Variants in TMEM272 observed in about 807,000 individuals in gnomAD.
TMEM272 encodes long intergenic non-protein coding RNA 282.
Under a neutral mutation model 3.7 loss-of-function variants are expected in TMEM272, and 8 were observed. The observed-to-expected ratio is 2.17, with a 90% confidence interval of 1.27 to 3.91. The LOEUF (loss-of-function observed/expected upper bound fraction) is 3.91, where lower values mean the gene tolerates loss of function less well. TMEM272 is among the 30% of genes most tolerant of loss of function. The pLI is 0.00. For missense variants in TMEM272, 166 were observed against 91.5 expected (o/e 1.81, Z -3.32); for synonymous variants, 63 against 39.8 (o/e 1.58, Z -2.20).
At chr13:51,875,507 G>C in the TMEM272 span, among the ~76,000 whole-genome samples, 1 of 152,190 alleles carries the variant, frequency 6.6e-6, no homozygotes, top group Non-Finnish European at 1.5e-5. Context: ...ACCTGGTTTT[G>C]ATGCCAAGGC....
At chr13:51,823,072 C>T (rs963218274) in intron 3 of TMEM272, among the ~76,000 whole-genome samples, 2 of 152,136 alleles carry the variant, frequency 1.3e-5, no homozygotes, top group African/African-American at 4.8e-5. Context: ...CACCTTGGGG[C>T]CAAAGCATTT....
the TMEM272 span, chr13:51,866,146 G>A: frequency 7.6e-7 from 1 of 1,313,986 alleles, no homozygotes; most frequent in Non-Finnish European, 1.0e-6. Flanking sequence ...TCCAGGGTGA[G>A]CCCATGTGCT....
chr13:51,919,356 T>C, the TMEM272 span, among the ~76,000 whole-genome samples: 2 of 152,190 alleles, frequency 1.3e-5, no homozygotes, highest in African/African-American at 2.4e-5. Context: ...ATTTGCTTCA[T>C]AGTTTTAGAA....
the TMEM272 span, among the ~76,000 whole-genome samples, chr13:51,880,748 T>C: frequency 5.3e-5 from 8 of 152,194 alleles, no homozygotes; most frequent in African/African-American, 9.7e-5. Flanking sequence ...CACCGTCCCA[T>C]GGGTGCCACA....
the TMEM272 span, among the ~76,000 whole-genome samples, chr13:51,894,882 C>A: frequency 6.6e-6 from 1 of 151,854 alleles, no homozygotes; most frequent in African/African-American, 2.4e-5. Flanking sequence ...GAGCCCTGAG[C>A]TTGTTTTCCT....
the TMEM272 span, among the ~76,000 whole-genome samples, chr13:51,913,363 T>C: frequency 6.6e-6 from 1 of 152,210 alleles, no homozygotes; most frequent in Admixed American, 6.5e-5. Flanking sequence ...AAAAATAGTA[T>C]TGGCGCCAAA....
At chr13:51,828,682 G>A (rs1268406582) in intron 2 of TMEM272, among the ~76,000 whole-genome samples, 2 of 152,256 alleles carry the variant, frequency 1.3e-5, no homozygotes, top group Non-Finnish European at 2.9e-5. Flanking sequence ...AATTTCTCTC[G>A]AAATCGTGTA....
chr13:51,867,962 T>G, the TMEM272 span, among the ~76,000 whole-genome samples: 9 of 152,106 alleles, frequency 5.9e-5, no homozygotes, highest in Admixed American at 5.9e-4. Flanking sequence ...AAATTCAGGA[T>G]GAAGGGAGAT....
At chr13:51,911,967 C>T in the TMEM272 span, among the ~76,000 whole-genome samples, 1 of 152,094 alleles carries the variant, frequency 6.6e-6, no homozygotes, top group East Asian at 1.9e-4. Flanking sequence ...CTTTCCTCTG[C>T]CTGGACCACC....
intron 1 of TMEM272, among the ~76,000 whole-genome samples, chr13:51,844,640 C>G (rs1042273412): frequency 2.6e-5 from 4 of 152,124 alleles, no homozygotes; most frequent in Non-Finnish European, 4.4e-5. Context: ...GCTCTACCAC[C>G]CCTTTAAAAT....
the TMEM272 span, among the ~76,000 whole-genome samples, chr13:51,866,494 C>T: frequency 1.3e-5 from 2 of 152,210 alleles, no homozygotes; most frequent in African/African-American, 4.8e-5. Flanking sequence ...GAGGTCACTT[C>T]TCCTTCACTT....
the TMEM272 span, among the ~76,000 whole-genome samples, chr13:51,853,278 C>A: frequency 2.0e-5 from 3 of 151,990 alleles, no homozygotes; most frequent in Admixed American, 2.0e-4. Context: ...GGCTTCGTGG[C>A]GCATGCCAGT....
the TMEM272 span, among the ~76,000 whole-genome samples, chr13:51,893,787 T>C: frequency 5.9e-5 from 9 of 152,248 alleles, no homozygotes; most frequent in Non-Finnish European, 1.0e-4. Context: ...GTGCCCAGAA[T>C]TAAGGTCAGT....
At chr13:51,924,700 T>C in the TMEM272 span, among the ~76,000 whole-genome samples, 7 of 152,160 alleles carry the variant, frequency 4.6e-5, no homozygotes, top group Non-Finnish European at 8.8e-5. Flanking sequence ...GTGGCCCCAC[T>C]CAGCCTACTC....
At chr13:51,890,450 T>C in the TMEM272 span, among the ~76,000 whole-genome samples, 1 of 152,182 alleles carries the variant, frequency 6.6e-6, no homozygotes, top group Admixed American at 6.5e-5. Context: ...CTGCATGTGC[T>C]GGCTCTCCTT....
At chr13:51,863,842 C>T in the TMEM272 span, among the ~76,000 whole-genome samples, 39 of 152,140 alleles carry the variant, frequency 2.6e-4, no homozygotes, top group Admixed American at 6.5e-4. Context: ...GAGTGAGGGC[C>T]GGACCCTGGC....
At chr13:51,870,849 A>C in the TMEM272 span, among the ~76,000 whole-genome samples, 1 of 152,196 alleles carries the variant, frequency 6.6e-6, no homozygotes, top group Non-Finnish European at 1.5e-5. Flanking sequence ...GCAAACTCTT[A>C]GATTCTCTCC....
At chr13:51,846,139 G>A (rs929328332), upstream of TMEM272, among the ~76,000 whole-genome samples, 1 of 152,172 alleles carries the variant, frequency 6.6e-6, no homozygotes, top group Non-Finnish European at 1.5e-5. Context: ...TCTAGGGCTG[G>A]CCCTGCCACT....
chr13:51,922,314 C>A, the TMEM272 span, among the ~76,000 whole-genome samples: 1 of 152,244 alleles, frequency 6.6e-6, no homozygotes, highest in Non-Finnish European at 1.5e-5. Flanking sequence ...GCTTCAGAGG[C>A]TTCTTCAGAG....
Sources: gnomAD v4.1 joint callset for allele counts (sites outside exome capture counted in the v4.1 genomes callset) on GRCh38, gnomAD v4.1.1 for gene constraint, MANE v1.5 for transcripts, NCBI Gene and HGNC (gene_info 2026-07-23, HGNC 2026-07-21) for gene names.